Variants in CHD7 observed in about 807,000 individuals in gnomAD.
CHD7 encodes the protein ATP-dependent chromatin remodeler CHD7.
Under a neutral mutation model 307.3 loss-of-function variants are expected in CHD7, and 24 were observed. The ratio of observed to expected loss-of-function variants is 0.08; its 90% CI spans 0.06 to 0.11. The LOEUF is 0.11. Ranked by LOEUF, CHD7 falls within the 10% of genes least tolerant of loss-of-function variation. The pLI is 1.00. For missense variants in CHD7, 3,106 were observed against 3,727.1 expected (o/e 0.83, Z 4.34); for synonymous variants, 1,363 against 1,349.9 (o/e 1.01, Z -0.21).
At chr8:60,789,580 C>T (rs1811668697) in intron 3 of CHD7, among the ~76,000 whole-genome samples, 1 of 152,198 alleles carries the variant, frequency 6.6e-6, no homozygotes, top group South Asian at 2.1e-4. Context: ...GGTTCTTTTT[C>T]AAGTTTTCTT....
At chr8:60,697,593 G>A (rs1806546984) in intron 1 of CHD7, among the ~76,000 whole-genome samples, 1 of 151,974 alleles carries the variant, frequency 6.6e-6, no homozygotes, top group African/African-American at 2.4e-5. Context: ...AATTTAAGAT[G>A]GTGTCAGTTG....
At position 60,861,010 on chromosome 8, in the gene CHD7, T is replaced by A; in HGVS notation, c.7715T>A (p.Ile2572Asn). The change falls in exon 35 of 38, where the codon ATC becomes AAC. Residue 2572 changes from isoleucine to asparagine, a missense_variant. Ile to Asn is a moderately radical substitution (Grantham distance 149, BLOSUM62 -3). Coordinates refer to ENST00000423902, the MANE Select transcript of CHD7 (RefSeq NM_017780.4). ...QLDPDTRIPVINLEDGTRLVG... is the reference protein window; with the variant it reads ...QLDPDTRIPVNNLEDGTRLVG... ...GACCCAGACACACGGATCCCTGTTATCAATCTTGAAGATGGGACTAGGCTG... is the reference window on the plus strand; with the variant it reads ...GACCCAGACACACGGATCCCTGTTAACAATCTTGAAGATGGGACTAGGCTG... 1 of 1,614,014 alleles carries A rather than the reference T, an allele frequency of 6.2e-7. No homozygotes were observed. Among genetic ancestry groups the A allele is most frequent in the Non-Finnish European group, 8.5e-7 (1 of 1,179,882 alleles).
intron 2 of CHD7, among the ~76,000 whole-genome samples, chr8:60,748,052 C>A (rs1370610190): frequency 6.6e-6 from 1 of 152,142 alleles, no homozygotes; most frequent in Non-Finnish European, 1.5e-5. Context: ...GAACACTTAT[C>A]AAATATTGAG....
chr8:60,697,678 T>TA (rs577640099), intron 1 of CHD7, among the ~76,000 whole-genome samples: 5 of 152,186 alleles, frequency 3.3e-5, no homozygotes, highest in Admixed American at 6.5e-5. Flanking sequence ...AGTAGTTAAA[T>TA]AAAAAACCAC....
At chr8:60,857,249 T>G (rs1339911449) in intron 34 of CHD7, among the ~76,000 whole-genome samples, 1 of 152,220 alleles carries the variant, frequency 6.6e-6, no homozygotes, top group East Asian at 1.9e-4. Context: ...AAAATTAGTA[T>G]AAATGTTTCA....
At chr8:60,860,246 A>T (rs1805907229) in intron 34 of CHD7, among the ~76,000 whole-genome samples, 2 of 152,214 alleles carry the variant, frequency 1.3e-5, no homozygotes, top group African/African-American at 4.8e-5. Context: ...TAATATCATT[A>T]TCCGGGGATC....
At chr8:60,702,724 T>C (rs937247368) in intron 1 of CHD7, among the ~76,000 whole-genome samples, 1 of 152,242 alleles carries the variant, frequency 6.6e-6, no homozygotes, top group Admixed American at 6.5e-5. Context: ...TATTATCTTT[T>C]GCTGTGTAAC....
At chr8:60,857,746 G>C (rs1282219689) in intron 34 of CHD7, among the ~76,000 whole-genome samples, 1 of 152,178 alleles carries the variant, frequency 6.6e-6, no homozygotes, top group African/African-American at 2.4e-5. Context: ...GAGATTGAGG[G>C]AAGACAGTTG....
In CHD7 at chr8:60,853,406, T is replaced by G. The variant is rs781561442; in HGVS notation, c.6681T>G (p.Thr2227=). 2.0e-6 allele frequency: 3 copies of G among 1,529,216 alleles called. No homozygotes were observed. The South Asian group carries it at 4.0e-5, about 20-fold the overall frequency. The allele number at this position is 1,529,216 out of a possible 1,614,324, so 94.7% of individuals were successfully genotyped here. ...ELKGVEVGAD[T]GSKSISEKGS... is the part of the protein sequence containing the mutation. Reference sequence around the variant, plus strand: ...AAGGTGTTGAGGTCGGCGCAGACACTGGGTCCAAATCTATTTCAGAGAAAG... The same window carrying G: ...AAGGTGTTGAGGTCGGCGCAGACACGGGGTCCAAATCTATTTCAGAGAAAG... The change falls in exon 31 of 38, where the codon ACT becomes ACG. Residue 2227 remains threonine, a synonymous_variant. Coordinates refer to ENST00000423902, the MANE Select transcript of CHD7 (RefSeq NM_017780.4).
At chr8:60,812,587 C>T (rs749612935) in intron 7 of CHD7, among the ~76,000 whole-genome samples, 30 of 150,722 alleles carry the variant, frequency 2.0e-4, no homozygotes, top group Admixed American at 4.0e-4. Context: ...TCGCTTGAAC[C>T]CGGGAGGCAG....
At chr8:60,682,367 C>T (rs975597006) in intron 1 of CHD7, among the ~76,000 whole-genome samples, 2 of 152,058 alleles carry the variant, frequency 1.3e-5, no homozygotes, top group African/African-American at 4.8e-5. Context: ...CATACAGATG[C>T]GAAGTCAATA....
At chr8:60,738,747 G>A (rs772692758) in intron 1 of CHD7, among the ~76,000 whole-genome samples, 12 of 152,118 alleles carry the variant, frequency 7.9e-5, no homozygotes, top group Non-Finnish European at 1.8e-4. Context: ...GGTCACTAAT[G>A]GCAGACTGCA....
In CHD7 at chr8:60,854,443, G is replaced by A; in HGVS notation, c.6856G>A (p.Gly2286Arg). The A allele has an allele frequency of 1.9e-6, 3 of 1,613,692 alleles. No individual in the cohort carries two copies. Among genetic ancestry groups the A allele is most frequent in the Non-Finnish European group, 2.5e-6 (3 of 1,179,678 alleles). Residue 2286 changes from glycine to arginine, a missense_variant, in exon 32 of 38, where the codon GGA becomes AGA. Gly to Arg is a moderately radical substitution (Grantham distance 125, BLOSUM62 -2). This residue lies in a region of CHD7 where 1,030 missense variants were observed against 1,165.4 expected (regional missense o/e 0.88). Coordinates refer to ENST00000423902, the MANE Select transcript of CHD7 (RefSeq NM_017780.4). ...CACTGCTAGAGATGAAACCCGAGAT[G>A]GATTCTACATGGAGGACGGAGATCC... ...MSTARDETRD[G>R]FYMEDGDPSV... is the part of the protein sequence containing the mutation.
chr8:60,788,361 G>A (rs375403528), intron 3 of CHD7, among the ~76,000 whole-genome samples: 269 of 151,890 alleles, frequency 1.8e-3, no homozygotes, highest in Middle Eastern at 3.4e-3. Flanking sequence ...GGCTGGTCTC[G>A]AACTCCTGGC....
chr8:60,684,043 T>C (rs1805758805), intron 1 of CHD7, among the ~76,000 whole-genome samples: 5 of 152,206 alleles, frequency 3.3e-5, no homozygotes, highest in Admixed American at 2.6e-4. Context: ...TTAACTAATG[T>C]TAGGTGACTG....
chr8:60,717,526 A>G lies in CHD7; in HGVS notation c.-174-23733A>G, dbSNP rs573253663. 1.6e-3 allele frequency among the ~76,000 whole-genome samples: 247 copies of G among 152,220 alleles called. 1 individual carries two copies. Among genetic ancestry groups the G allele is most frequent in the African/African-American group, 5.8e-3 (241 of 41,542 alleles). On this transcript the variant is annotated intron_variant, in intron 1 of 37. Coordinates refer to ENST00000423902, the MANE Select transcript of CHD7 (RefSeq NM_017780.4). ...TTACTTTCCTTTTGGTCATGCTACAACTCAGGTGGTTATGTAGTTAAACCT... is the reference window on the plus strand; with the variant it reads ...TTACTTTCCTTTTGGTCATGCTACAGCTCAGGTGGTTATGTAGTTAAACCT...
At chr8:60,790,319 T>C (rs1478156758) in intron 3 of CHD7, among the ~76,000 whole-genome samples, 4 of 152,178 alleles carry the variant, frequency 2.6e-5, no homozygotes, top group Non-Finnish European at 5.9e-5. Flanking sequence ...TGTGTCTCTC[T>C]AGCTTCTCTA....
intron 34 of CHD7, among the ~76,000 whole-genome samples, chr8:60,857,890 C>G (rs904630962): frequency 3.3e-5 from 5 of 152,200 alleles, no homozygotes; most frequent in Non-Finnish European, 5.9e-5. Context: ...TGAAAAATAA[C>G]ATCCACTGAA....
chr8:60,804,959 A>G (rs1812472596), intron 6 of CHD7, among the ~76,000 whole-genome samples: 2 of 152,234 alleles, frequency 1.3e-5, no homozygotes, highest in Non-Finnish European at 2.9e-5. Flanking sequence ...TCTCAGAAAA[A>G]TTCTATTTAA....
Sources: allele counts gnomAD v4.1 joint callset (sites outside exome capture counted in the v4.1 genomes callset), GRCh38; gene constraint gnomAD v4.1.1; regional missense constraint gnomAD v4.1.1; transcripts MANE v1.5; gene names NCBI Gene and HGNC (gene_info 2026-07-23, HGNC 2026-07-21).